Variants in TENM4 observed in about 807,000 individuals in gnomAD.
TENM4 encodes teneurin transmembrane protein 4.
Under a neutral mutation model 243.3 loss-of-function variants are expected in TENM4, and 82 were observed. The ratio of observed to expected loss-of-function variants is 0.34; its 90% confidence interval spans 0.28 to 0.40. The LOEUF (loss-of-function observed/expected upper bound fraction) is 0.40. Ranked by LOEUF, TENM4 falls within the 10% of genes least tolerant of loss-of-function variation. TENM4 has a pLI of 1.00. For synonymous variants in TENM4, 1,412 were observed against 1,456.3 expected (o/e 0.97, Z 0.69); for missense variants, 3,138 against 3,673.3 (o/e 0.85, Z 3.77).
At chr11:79,417,465 A>G (rs1430682195) in intron 1 of TENM4, among the ~76,000 whole-genome samples, 2 of 152,222 alleles carry the variant, frequency 1.3e-5, no homozygotes, top group African/African-American at 2.4e-5. Flanking sequence ...TGGTTGGTAA[A>G]CATGACCACA....
intron 15 of TENM4, among the ~76,000 whole-genome samples, chr11:78,793,015 A>C (rs1857089969): frequency 6.6e-6 from 1 of 152,200 alleles, no homozygotes; most frequent in Non-Finnish European, 1.5e-5. Flanking sequence ...TATGTCAAAA[A>C]ATGTATATGT....
intron 19 of TENM4, among the ~76,000 whole-genome samples, chr11:78,739,129 G>A (rs572333633): frequency 3.8e-4 from 58 of 152,276 alleles, no homozygotes; most frequent in Non-Finnish European, 7.5e-4. Context: ...GACAGGAGAA[G>A]GACAGATGCT....
At chr11:79,138,331 T>TATATATATAATATATATA (rs1862156211) in intron 4 of TENM4, among the ~76,000 whole-genome samples, 3 of 76,134 alleles carry the variant, frequency 3.9e-5, no homozygotes, top group African/African-American at 1.9e-4. Context: ...ATATATATAT[T>TATATATATAATATATATA]ATATATATAA....
intron 4 of TENM4, among the ~76,000 whole-genome samples, chr11:79,110,635 T>C (rs1213767371): frequency 6.6e-6 from 1 of 152,086 alleles, no homozygotes. Flanking sequence ...GCAGAGCCCA[T>C]AGACCAGCCA....
At chr11:78,919,770 T>C (rs538799439) in intron 6 of TENM4, among the ~76,000 whole-genome samples, 1 of 151,968 alleles carries the variant, frequency 6.6e-6, no homozygotes, top group East Asian at 1.9e-4. Flanking sequence ...AAAACGTGAG[T>C]TGGAGTTGGG....
intron 1 of TENM4, among the ~76,000 whole-genome samples, chr11:79,369,087 C>T (rs543025354): frequency 8.5e-5 from 13 of 152,176 alleles, no homozygotes; most frequent in East Asian, 3.9e-4. Context: ...TAACAGTCTC[C>T]GGTCCCCAGA....
intron 9 of TENM4, among the ~76,000 whole-genome samples, chr11:78,874,105 T>C (rs1859204932): frequency 6.6e-6 from 1 of 152,050 alleles, no homozygotes; most frequent in Non-Finnish European, 1.5e-5. Flanking sequence ...GTGCTTCCTG[T>C]CCCTTGCTGA....
intron 32 of TENM4, among the ~76,000 whole-genome samples, chr11:78,666,003 C>T (rs906425449): frequency 6.6e-6 from 1 of 152,052 alleles, no homozygotes; most frequent in South Asian, 2.1e-4. Context: ...AAGCCTATCT[C>T]ACTGGAATAC....
chr11:79,436,676 T>G (rs1859278077), intron 1 of TENM4, among the ~76,000 whole-genome samples: 1 of 152,234 alleles, frequency 6.6e-6, no homozygotes, highest in East Asian at 1.9e-4. Flanking sequence ...CAAGCACTAG[T>G]TCTGCCCGTT....
intron 4 of TENM4, among the ~76,000 whole-genome samples, chr11:79,080,389 C>T (rs755256449): frequency 6.6e-6 from 1 of 152,194 alleles, no homozygotes; most frequent in Non-Finnish European, 1.5e-5. Context: ...CACAGACACC[C>T]GGGGTAGGGG....
chr11:78,760,482 T>A (rs559934075), intron 18 of TENM4, among the ~76,000 whole-genome samples: 12 of 152,318 alleles, frequency 7.9e-5, no homozygotes, highest in African/African-American at 2.9e-4. Flanking sequence ...CACCAATCTG[T>A]CTCTACAGCC....
intron 12 of TENM4, among the ~76,000 whole-genome samples, chr11:78,822,819 G>C (rs1363564068): frequency 1.3e-5 from 2 of 152,184 alleles, no homozygotes; most frequent in African/African-American, 4.8e-5. Context: ...AATACAAACT[G>C]TAAGTTAAAA....
In TENM4 at chr11:79,415,204, G is replaced by A. The variant is rs1017614843; in HGVS notation, c.-321+25305C>T. Reference sequence around the variant, plus strand: ...TCCTTCCAATCCTCAAAGAATGTCTGCTGAACAGAACTGGGATCTGTGAAA... The same window carrying A: ...TCCTTCCAATCCTCAAAGAATGTCTACTGAACAGAACTGGGATCTGTGAAA... On this transcript the variant is annotated intron_variant, in intron 1 of 33. Coordinates refer to ENST00000278550, the MANE Select transcript of TENM4 (RefSeq NM_001098816.3). Among the ~76,000 whole-genome samples, 4 of 152,212 alleles carry A rather than the reference G, an allele frequency of 2.6e-5. No homozygotes were observed. The South Asian group carries it at 8.3e-4, about 31-fold the overall frequency.
intron 18 of TENM4, among the ~76,000 whole-genome samples, chr11:78,766,409 CTG>C (rs1217954301): frequency 6.6e-6 from 1 of 152,188 alleles, no homozygotes; most frequent in Non-Finnish European, 1.5e-5. Context: ...ATGCATGTGT[CTG>C]TACCTAATAA....
intron 6 of TENM4, among the ~76,000 whole-genome samples, chr11:78,992,860 G>T (rs1424227621): frequency 6.6e-6 from 1 of 152,026 alleles, no homozygotes; most frequent in Admixed American, 6.6e-5. Context: ...TATATAAATG[G>T]CTTACCACAG....
chr11:79,384,978 TGG>T (rs1202102309), intron 1 of TENM4, among the ~76,000 whole-genome samples: 3 of 151,590 alleles, frequency 2.0e-5, no homozygotes, highest in African/African-American at 7.3e-5. Context: ...TAAAATAAAA[TGG>T]ATGGTCAGGA....
At chr11:78,898,650 C>T (rs1019765545) in intron 7 of TENM4, among the ~76,000 whole-genome samples, 3 of 152,130 alleles carry the variant, frequency 2.0e-5, no homozygotes, top group African/African-American at 7.2e-5. Flanking sequence ...TTCCTTTCTC[C>T]CCACTCAAGT....
intron 6 of TENM4, among the ~76,000 whole-genome samples, chr11:78,929,420 A>T (rs1856623137): frequency 6.6e-6 from 1 of 152,222 alleles, no homozygotes; most frequent in Non-Finnish European, 1.5e-5. Context: ...GCTCTTTGCA[A>T]CTGATTTAAT....
At chr11:79,331,735 G>A (rs1257358318) in intron 1 of TENM4, among the ~76,000 whole-genome samples, 1 of 152,202 alleles carries the variant, frequency 6.6e-6, no homozygotes, top group Non-Finnish European at 1.5e-5. Context: ...AATGGCCCTG[G>A]TAAATCACAG....
Sources: allele counts gnomAD v4.1 joint callset (sites outside exome capture counted in the v4.1 genomes callset), GRCh38; gene constraint gnomAD v4.1.1; transcripts MANE v1.5; gene names NCBI Gene and HGNC (gene_info 2026-07-23, HGNC 2026-07-21).